The following B3GALNT2 variants were observed in gnomAD, a reference collection of about 807,000 sequenced individuals.
B3GALNT2 encodes UDP-GalNAc:beta-1,3-N-acetylgalactosaminyltransferase 2.
In B3GALNT2, 53 loss-of-function variants were observed where a neutral mutation model predicts 61.1. The observed-to-expected ratio is 0.87, with a 90% confidence interval of 0.70 to 1.09. B3GALNT2 has a LOEUF of 1.09. Ranked by LOEUF, B3GALNT2 falls within the 50% of genes least tolerant of loss-of-function variation. B3GALNT2 has a pLI of 0.00. For synonymous variants in B3GALNT2, 223 were observed against 237.4 expected, an observed-to-expected ratio of 0.94 and a Z score of 0.56; for missense variants, 544 against 623.0, an observed-to-expected ratio of 0.87 and a Z score of 1.35.
intron 2 of B3GALNT2, 42 bp from the exon 3 acceptor site, chr1:235,489,310 C>G (rs773087120): frequency 1.2e-6 from 2 of 1,608,816 alleles, no homozygotes; most frequent in Non-Finnish European, 1.7e-6. Flanking sequence ...CTGATCTTCA[C>G]CTCGCACATG....
chr1:235,504,394 C>T lies in B3GALNT2; in HGVS notation c.-142G>A, dbSNP rs942017643. ...CTCGCGCTCGGCGACGTCTGGGGGG[C>T]TCCTCGCAGCTCCCGGCCCCGCTCC... On this transcript the variant is annotated 5_prime_UTR_variant, in exon 1 of 12. Transcript: ENST00000366600. 3 of 854,022 alleles carry T rather than the reference C, an allele frequency of 3.5e-6. No individual in the cohort carries two copies. Among genetic ancestry groups the T allele is most frequent in the Middle Eastern group, 4.0e-4 (1 of 2,524 alleles). The allele number at this position is 854,022 out of a possible 1,614,324, so 52.9% of individuals were successfully genotyped here.
At chr1:235,474,663 T>TA (rs976042300) in intron 5 of B3GALNT2, among the ~76,000 whole-genome samples, 39 of 151,208 alleles carry the variant, frequency 2.6e-4, no homozygotes, top group African/African-American at 8.3e-4. Flanking sequence ...GTATTAAAAA[T>TA]AAAAAAAATT....
intron 2 of B3GALNT2, among the ~76,000 whole-genome samples, chr1:235,494,386 C>T (rs531191390): frequency 1.3e-5 from 2 of 152,040 alleles, no homozygotes; most frequent in African/African-American, 4.8e-5. Flanking sequence ...GCAAATGAAA[C>T]AGCCATTTCT....
At chr1:235,466,311 C>T (rs1454835843) in intron 6 of B3GALNT2, among the ~76,000 whole-genome samples, 5 of 151,136 alleles carry the variant, frequency 3.3e-5, no homozygotes, top group South Asian at 2.1e-4. Context: ...TCAGGTGATC[C>T]GCCTGCCTCA....
Position 235,450,125 on chromosome 1 carries a change from T to C in B3GALNT2, c.*81A>G. Reference sequence around the variant, plus strand: ...CTTGAAAGACCATACAGTCTACTGCTAAACCCTGGGACTCCTCAGACTTGC... The same window carrying C: ...CTTGAAAGACCATACAGTCTACTGCCAAACCCTGGGACTCCTCAGACTTGC... On this transcript the variant is annotated 3_prime_UTR_variant, in exon 12 of 12. Transcript: ENST00000366600. 1.9e-6 allele frequency: 3 copies of C among 1,542,486 alleles called. No individual in the cohort carries two copies. The highest frequency in any genetic ancestry group is 4.5e-5 in the East Asian group (2 of 44,516).
rs751856496 is a variant in B3GALNT2 at position 235,504,220 on chromosome 1, A to G, written c.33T>C (p.Cys11=). ...AGAGGTGCAGCGCGGCCCCGAGCACACACGGGCACAGCAGCACCAGCCAGT... is the reference window on the plus strand; with the variant it reads ...AGAGGTGCAGCGCGGCCCCGAGCACGCACGGGCACAGCAGCACCAGCCAGT... MRNWLVLLCP[C]VLGAALHLWL... The change falls in exon 1 of 12, where the codon TGT becomes TGC. Residue 11 remains cysteine, a synonymous_variant. Transcript: ENST00000366600. 6.8e-7 allele frequency: 1 copy of G among 1,470,660 alleles called. No homozygotes were observed. The highest frequency in any genetic ancestry group is 1.3e-5 in the South Asian group (1 of 78,320). The allele number at this position is 1,470,660 out of a possible 1,614,324, so 91.1% of individuals were successfully genotyped here.
At chr1:235,498,801 G>A (rs1274012517) in intron 1 of B3GALNT2, among the ~76,000 whole-genome samples, 17 of 119,096 alleles carry the variant, frequency 1.4e-4, no homozygotes, top group African/African-American at 3.2e-5. Context: ...CCAAGATCCC[G>A]CCACTGCTCT....
At position 235,477,535 on chromosome 1, in the gene B3GALNT2, G is replaced by A. The variant is rs1684343311; in HGVS notation, c.651+2519C>T. Among the ~76,000 whole-genome samples, 3 of 148,056 alleles carry A rather than the reference G, an allele frequency of 2.0e-5. No homozygotes were observed. In the East Asian group the frequency reaches 6.0e-4, roughly 30 times the overall value. Reference sequence around the variant, plus strand: ...AAAGTTCATTTTCTTCCTCTTTGCTGCACCCCATGTGACTTTCTTTTGGAA... The same window carrying A: ...AAAGTTCATTTTCTTCCTCTTTGCTACACCCCATGTGACTTTCTTTTGGAA... On this transcript the variant is annotated intron_variant, in intron 5 of 11. Coordinates refer to ENST00000366600, the MANE Select transcript of B3GALNT2 (RefSeq NM_152490.5).
intron 8 of B3GALNT2, among the ~76,000 whole-genome samples, chr1:235,457,768 A>T (rs1051759755): frequency 1.3e-5 from 2 of 152,158 alleles, no homozygotes; most frequent in East Asian, 3.8e-4. Context: ...AATGTGAGTG[A>T]CTATAACTGG....
intron 8 of B3GALNT2, among the ~76,000 whole-genome samples, chr1:235,456,032 G>A (rs1204669984): frequency 6.6e-6 from 1 of 152,132 alleles, no homozygotes; most frequent in Non-Finnish European, 1.5e-5. Flanking sequence ...CCTGAACCTT[G>A]CCCCGTGTGT....
At chr1:235,496,322 A>G (rs1685320562) in intron 1 of B3GALNT2, 1 of 1,048,246 alleles carries the variant, frequency 9.5e-7, no homozygotes, top group Non-Finnish European at 1.2e-6. Flanking sequence ...AAAAAAAAAA[A>G]AAAGTTCCAT....
Position 235,480,141 on chromosome 1 carries a change from G to C in B3GALNT2, c.564C>G (p.Leu188=). The C allele has an allele frequency of 6.2e-7, 1 of 1,613,676 alleles. No individual in the cohort carries two copies. The highest frequency in any genetic ancestry group is 8.5e-7 in the Non-Finnish European group (1 of 1,179,730). The change falls in exon 5 of 12, where the codon CTC becomes CTG. Residue 188 remains leucine, a synonymous_variant. Coordinates refer to ENST00000366600, the MANE Select transcript of B3GALNT2 (RefSeq NM_152490.5). ...TTGGAGGACTGAAGCGAGCAATGAAGAGGGCCTCCTACAAATTGGGAGAAA... is the reference window on the plus strand; with the variant it reads ...TTGGAGGACTGAAGCGAGCAATGAACAGGGCCTCCTACAAATTGGGAGAAA... ...KLYQAEQEEA[L]FIARFSPPSC...
chr1:235,474,970 TATA>T lies in B3GALNT2; in HGVS notation c.652-4013_652-4011del, dbSNP rs1684182970. Among the ~76,000 whole-genome samples the T allele has an allele frequency of 3.0e-3, 102 of 34,498 alleles. 9 individuals are homozygous for T. In the East Asian group the frequency reaches 0.034, roughly 11 times the overall value. 22.6% of individuals were successfully genotyped at this position (34,498 alleles called of 152,430 possible). The stretch of plus-strand genomic sequence containing the variant: ...AGAGACATATATATATATATATATA[TATA>T]TATATATATATATATTTTTTTTTTT... On this transcript the variant is annotated intron_variant, in intron 5 of 11. Coordinates refer to ENST00000366600, the MANE Select transcript of B3GALNT2 (RefSeq NM_152490.5).
At chr1:235,479,937 A>G in intron 5 of B3GALNT2, 117 bp downstream of exon 5, 1 of 1,460,130 alleles carries the variant, frequency 6.8e-7, no homozygotes, top group Non-Finnish European at 9.1e-7. Context: ...ACCTTCATCT[A>G]TCACTCTGGA....
In B3GALNT2 at chr1:235,504,301, G is replaced by A; in HGVS notation, c.-49C>T. 1.4e-6 allele frequency: 2 copies of A among 1,471,726 alleles called. No homozygotes were observed. Among genetic ancestry groups the A allele is most frequent in the Non-Finnish European group, 1.8e-6 (2 of 1,116,242 alleles). The allele number at this position is 1,471,726 out of a possible 1,614,324, so 91.2% of individuals were successfully genotyped here. On this transcript the variant is annotated 5_prime_UTR_variant, in exon 1 of 12. Coordinates refer to ENST00000366600, the MANE Select transcript of B3GALNT2 (RefSeq NM_152490.5). The stretch of plus-strand genomic sequence containing the variant: ...GCTCTCCCGCGTCCCGGCGGAGAGG[G>A]AGGGGACCTGCAAGTGCGGAGACTG...
At chr1:235,475,515 C>T (rs925239866) in intron 5 of B3GALNT2, among the ~76,000 whole-genome samples, 3 of 152,136 alleles carry the variant, frequency 2.0e-5, no homozygotes, top group African/African-American at 7.2e-5. Context: ...GAATACACTA[C>T]CTACTTCTCT....
At chr1:235,465,358 T>G (rs192659150) in intron 7 of B3GALNT2, 115 of 315,482 alleles carry the variant, frequency 3.6e-4, no homozygotes, top group African/African-American at 2.8e-3. Context: ...GGCAAATCCA[T>G]AGAGAAAGAA....
chr1:235,441,842 C>G, the B3GALNT2 span: 4 of 1,613,988 alleles, frequency 2.5e-6, no homozygotes, highest in Non-Finnish European at 3.4e-6. Flanking sequence ...ATTGGGAACT[C>G]AAAACACAGC....
chr1:235,461,793 G>GCATT (rs1199229226), intron 7 of B3GALNT2, among the ~76,000 whole-genome samples: 3 of 152,062 alleles, frequency 2.0e-5, no homozygotes, highest in Non-Finnish European at 4.4e-5. Context: ...GGGATTACAG[G>GCATT]CATTGAGCTA....
Sources: allele counts gnomAD v4.1 joint callset (sites outside exome capture counted in the v4.1 genomes callset), GRCh38; gene constraint gnomAD v4.1.1; transcripts MANE v1.5; gene names NCBI Gene and HGNC (gene_info 2026-07-23, HGNC 2026-07-21).